MINDY4: variants seen among roughly 807,000 people sequenced by gnomAD.
MINDY4 encodes MINDY lysine 48 deubiquitinase 4, also known as probable ubiquitin carboxyl-terminal hydrolase MINDY-4.
MINDY4 carries 68 observed loss-of-function variants against 87.0 expected under a neutral mutation model. That is an observed-to-expected ratio of 0.78 (90% CI 0.64 to 0.96). MINDY4 has a LOEUF of 0.96. Ranked by LOEUF, MINDY4 falls within the 40% of genes least tolerant of loss-of-function variation. MINDY4 has a pLI of 0.00. For missense variants in MINDY4, 919 were observed against 928.2 expected, an observed-to-expected ratio of 0.99 and a Z score of 0.13; for synonymous variants, 379 against 363.2, an observed-to-expected ratio of 1.04 and a Z score of -0.50.
chr7:30,825,625 C>T (rs561289160), intron 5 of MINDY4, among the ~76,000 whole-genome samples: 1 of 152,338 alleles, frequency 6.6e-6, no homozygotes, highest in African/African-American at 2.4e-5. Flanking sequence ...TGAATCCTGA[C>T]TCTGGCACTT....
At chr7:30,876,043 C>A (rs938106053) in intron 15 of MINDY4, among the ~76,000 whole-genome samples, 1 of 152,106 alleles carries the variant, frequency 6.6e-6, no homozygotes, top group Non-Finnish European at 1.5e-5. Context: ...GACTGGGTGG[C>A]TTGAAACAAC....
Position 30,791,217 on chromosome 7 carries a change from C to T in MINDY4, c.716C>T (p.Thr239Ile). The change falls in exon 5 of 18, where the codon ACC (threonine) becomes ATC (isoleucine). Residue 239 changes from threonine (T) to isoleucine (I), a missense_variant. Transcript: ENST00000265299. Reference protein sequence around the residue: ...LRRSSPSSSSTQPQEESRKVP... With the variant: ...LRRSSPSSSSIQPQEESRKVP... Reference sequence around the variant, plus strand: ...CGGTCCTCACCGTCAAGCAGCTCCACCCAACCCCAAGAAGAGAGCCGGAAG... The same window carrying T: ...CGGTCCTCACCGTCAAGCAGCTCCATCCAACCCCAAGAAGAGAGCCGGAAG... 6.2e-7 allele frequency: 1 copy of T among 1,614,142 alleles called. No individual in the cohort carries two copies.
chr7:30,862,217 A>C (rs1412764700), intron 13 of MINDY4, among the ~76,000 whole-genome samples: 1 of 152,086 alleles, frequency 6.6e-6, no homozygotes, highest in Non-Finnish European at 1.5e-5. Flanking sequence ...CTCCTACCCC[A>C]CCTGGAGCCC....
intron 17 of MINDY4, among the ~76,000 whole-genome samples, chr7:30,885,290 C>T (rs746435464): frequency 2.4e-4 from 36 of 152,116 alleles, no homozygotes; most frequent in African/African-American, 7.5e-4. Flanking sequence ...AAGGCCGAGA[C>T]GGGCAGATCA....
chr7:30,875,409 C>A, intron 14 of MINDY4, 86 bp from the exon 15 acceptor site: 1 of 1,445,532 alleles, frequency 6.9e-7, no homozygotes, highest in South Asian at 1.1e-5. Context: ...CCTTCTCCAC[C>A]CTTTTTGTCT....
chr7:30,874,165 G>A (rs984650889), intron 14 of MINDY4, among the ~76,000 whole-genome samples: 117 of 152,334 alleles, frequency 7.7e-4, no homozygotes, highest in African/African-American at 2.7e-3. Context: ...TGTGTCACAG[G>A]CAGCGCCAGC....
At chr7:30,817,872 C>G (rs1024435499) in intron 5 of MINDY4, among the ~76,000 whole-genome samples, 2 of 152,184 alleles carry the variant, frequency 1.3e-5, no homozygotes, top group Non-Finnish European at 2.9e-5. Context: ...TTCTGTTTCA[C>G]GTGGGAGAGT....
chr7:30,864,071 G>T (rs1387471812), intron 13 of MINDY4, among the ~76,000 whole-genome samples: 6 of 152,240 alleles, frequency 3.9e-5, no homozygotes, highest in African/African-American at 1.4e-4. Flanking sequence ...TCCAGTGGGG[G>T]TGAAAACCTT....
intron 5 of MINDY4, among the ~76,000 whole-genome samples, chr7:30,820,074 T>C (rs891074677): frequency 3.3e-5 from 5 of 151,088 alleles, no homozygotes; most frequent in African/African-American, 9.7e-5. Flanking sequence ...GCTAATTTTT[T>C]GTATTTTTAG....
rs777191726 is a variant in MINDY4, at chr7:30,859,350, C to T, written c.1745+26C>T. On this transcript the variant is annotated intron_variant, in intron 13 of 17. Coordinates refer to ENST00000265299, the MANE Select transcript of MINDY4 (RefSeq NM_032222.3). ...GTGAGTATCTTTCTCCCTCAACTCC[C>T]TGGGGCTGGGCTGGTCTGTCTTGTT... is the stretch of plus-strand genomic sequence containing the variant. 3.1e-6 allele frequency: 5 copies of T among 1,609,482 alleles called. No homozygotes were observed. In the African/African-American group the frequency reaches 6.7e-5, roughly 22 times the overall value.
At chr7:30,864,776 G>A (rs1789878098) in intron 13 of MINDY4, among the ~76,000 whole-genome samples, 1 of 152,270 alleles carries the variant, frequency 6.6e-6, no homozygotes, top group Admixed American at 6.5e-5. Flanking sequence ...AGGTATCTGA[G>A]AACAGGAGAG....
chr7:30,780,218 A>G (rs138119447), intron 2 of MINDY4: 6 of 152,330 alleles, frequency 3.9e-5, no homozygotes, highest in South Asian at 2.1e-4. Flanking sequence ...CAGGCAGCAG[A>G]TGCTCTGCAA....
intron 1 of MINDY4, 84 bp from the exon 2 acceptor site, chr7:30,778,348 A>C (rs1477395818): frequency 6.4e-7 from 1 of 1,551,760 alleles, no homozygotes; most frequent in East Asian, 2.2e-5. Context: ...CTTGGTGAAC[A>C]TCAGGAATCG....
At chr7:30,857,154 C>G (rs972155480) in intron 12 of MINDY4, among the ~76,000 whole-genome samples, 1 of 152,168 alleles carries the variant, frequency 6.6e-6, no homozygotes, top group African/African-American at 2.4e-5. Context: ...CTGCTGTGCC[C>G]CCGCATAGTC....
rs769086036 is a variant in MINDY4 at position 30,850,533 on chromosome 7, C to T, written c.1525C>T (p.Arg509Ter). ...LADIVWRAGG[R>*]ERAVVALASR... is the part of the protein sequence containing the mutation. Reference sequence around the variant, plus strand: ...AGACATTGTGTGGCGGGCAGGGGGCCGAGAGAGAGCCGTTGTTGCACTGTA... The same window carrying T: ...AGACATTGTGTGGCGGGCAGGGGGCTGAGAGAGAGCCGTTGTTGCACTGTA... Residue 509 changes from arginine (R) to a stop codon, truncating the protein, a stop_gained, in exon 10 of 18, where the codon CGA becomes TGA. Transcript: ENST00000265299. LOFTEE classifies it high-confidence loss of function. 160 of 1,606,596 alleles carry T rather than the reference C, an allele frequency of 1.0e-4. No individual in the cohort carries two copies. The highest frequency in any genetic ancestry group is 1.7e-4 in the Middle Eastern group (1 of 5,996).
At chr7:30,772,101 C>T (rs890978283) in intron 1 of MINDY4, among the ~76,000 whole-genome samples, 7 of 152,170 alleles carry the variant, frequency 4.6e-5, no homozygotes, top group African/African-American at 1.7e-4. Context: ...AGAGTTTTTG[C>T]AGTGTTCACA....
intron 13 of MINDY4, among the ~76,000 whole-genome samples, chr7:30,863,511 G>C (rs186510211): frequency 9.9e-5 from 15 of 152,170 alleles, no homozygotes; most frequent in African/African-American, 3.4e-4. Flanking sequence ...GGGCATAGTC[G>C]TTCCTCCCTC....
intron 7 of MINDY4, 40 bp from the exon 8 acceptor site, chr7:30,839,160 C>T (rs752136757): frequency 7.2e-7 from 1 of 1,396,508 alleles, no homozygotes; most frequent in East Asian, 2.3e-5. Context: ...TTGTTGCTTG[C>T]TTTTAAAACA....
At chr7:30,887,486 G>A (rs937740948) in intron 17 of MINDY4, among the ~76,000 whole-genome samples, 4 of 152,274 alleles carry the variant, frequency 2.6e-5, no homozygotes, top group Non-Finnish European at 5.9e-5. Flanking sequence ...CTGGGCATGC[G>A]TTGGGGAGGA....
Sources: gnomAD v4.1 joint callset for allele counts (sites outside exome capture counted in the v4.1 genomes callset) on GRCh38, gnomAD v4.1.1 for gene constraint, MANE v1.5 for transcripts, NCBI Gene and HGNC (gene_info 2026-07-23, HGNC 2026-07-21) for gene names.